Variants in HIBADH observed in about 807,000 individuals in gnomAD.
HIBADH encodes the protein 3-hydroxyisobutyrate dehydrogenase.
In HIBADH, 25 loss-of-function variants were observed where a neutral mutation model predicts 36.1. The observed-to-expected ratio is 0.69, with a 90% CI of 0.50 to 0.97. HIBADH has a LOEUF of 0.97. HIBADH is among the 50% of genes least tolerant of loss of function. The probability of loss-of-function intolerance (pLI) is 0.00; values close to 1 mark genes in which losing one functional copy is unlikely to be tolerated. For missense variants in HIBADH, 421 were observed against 418.0 expected (o/e 1.01, Z -0.06); for synonymous variants, 160 against 149.5 (o/e 1.07, Z -0.51).
In HIBADH at chr7:27,597,526, G is replaced by C. The variant is rs374917974; in HGVS notation, c.484+31845C>G. 2.4e-4 allele frequency among the ~76,000 whole-genome samples: 36 copies of C among 151,838 alleles called. No homozygotes were observed. The East Asian group carries it at 4.6e-3, about 20-fold the overall frequency. Reference sequence around the variant, plus strand: ...TTAGAATAATGTGCTGGGTACAGAGGCTACACCACTATAAGAGGCACTACC... The same window carrying C: ...TTAGAATAATGTGCTGGGTACAGAGCCTACACCACTATAAGAGGCACTACC... On this transcript the variant is annotated intron_variant, in intron 4 of 7. Transcript: ENST00000265395.
At chr7:27,603,800 TC>T (rs1374788259) in intron 4 of HIBADH, among the ~76,000 whole-genome samples, 5 of 152,114 alleles carry the variant, frequency 3.3e-5, no homozygotes, top group Non-Finnish European at 7.4e-5. Context: ...ATGCAAAGAC[TC>T]CCCAGTGTGT....
At chr7:27,606,459 G>A (rs997573313) in intron 4 of HIBADH, among the ~76,000 whole-genome samples, 1 of 152,214 alleles carries the variant, frequency 6.6e-6, no homozygotes, top group Non-Finnish European at 1.5e-5. Context: ...TGAAATGAAA[G>A]TGTCCTGCAA....
At chr7:27,657,335 T>C (rs1016267120) in intron 1 of HIBADH, among the ~76,000 whole-genome samples, 1 of 151,862 alleles carries the variant, frequency 6.6e-6, no homozygotes, top group East Asian at 1.9e-4. Context: ...CCTTATGAAA[T>C]GAGGAAACAA....
chr7:27,615,192 C>A (rs1785405062), intron 4 of HIBADH, among the ~76,000 whole-genome samples: 1 of 152,070 alleles, frequency 6.6e-6, no homozygotes, highest in African/African-American at 2.4e-5. Context: ...ATGAGAATCC[C>A]TTCTGATAAC....
chr7:27,592,072 C>T (rs1256998904), intron 4 of HIBADH, among the ~76,000 whole-genome samples: 1 of 152,156 alleles, frequency 6.6e-6, no homozygotes, highest in South Asian at 2.1e-4. Context: ...ATTCCCTTTG[C>T]CTGAAAACAG....
In HIBADH at chr7:27,535,226, A is replaced by C. The variant is rs909313211; in HGVS notation, c.695+3115T>G. 2.0e-5 allele frequency among the ~76,000 whole-genome samples: 3 copies of C among 151,912 alleles called. No homozygotes were observed. The East Asian group carries it at 5.8e-4, about 30-fold the overall frequency. On this transcript the variant is annotated intron_variant, in intron 6 of 7. Coordinates refer to ENST00000265395, the MANE Select transcript of HIBADH (RefSeq NM_152740.4). ...TCTTATGTAAAACCAGACAGTATAG[A>C]TACATACAAAGAACAAGCTTTTTGG...
chr7:27,571,269 C>A (rs1390593076), intron 4 of HIBADH, among the ~76,000 whole-genome samples: 2 of 151,868 alleles, frequency 1.3e-5, no homozygotes, highest in African/African-American at 4.8e-5. Flanking sequence ...GTTGCCCAAG[C>A]TGGAGTGCAA....
At chr7:27,527,474 TGAACAAACGTCATGGG>T (rs1347148786) in intron 7 of HIBADH, among the ~76,000 whole-genome samples, 4 of 152,168 alleles carry the variant, frequency 2.6e-5, no homozygotes, top group Admixed American at 2.6e-4. Flanking sequence ...AGAAGCAGAA[TGAACAAACGTCATGGG>T]GAATGAGGGA....
At chr7:27,544,990 C>T (rs1324967561) in intron 4 of HIBADH, among the ~76,000 whole-genome samples, 1 of 152,226 alleles carries the variant, frequency 6.6e-6, no homozygotes, top group Non-Finnish European at 1.5e-5. Context: ...GATGTGGTAT[C>T]ATAATTATTT....
chr7:27,558,320 G>A (rs1437813298), intron 4 of HIBADH, among the ~76,000 whole-genome samples: 3 of 151,742 alleles, frequency 2.0e-5, no homozygotes, highest in Non-Finnish European at 4.4e-5. Flanking sequence ...AGTTTTAGAG[G>A]ATCTGCTTAT....
At chr7:27,583,015 G>C in intron 4 of HIBADH, among the ~76,000 whole-genome samples, 1 of 152,096 alleles carries the variant, frequency 6.6e-6, no homozygotes, top group South Asian at 2.1e-4. Flanking sequence ...CTAGTACTTA[G>C]TGTATAATCA....
At chr7:27,594,615 T>G (rs1562635585) in intron 4 of HIBADH, among the ~76,000 whole-genome samples, 1 of 152,316 alleles carries the variant, frequency 6.6e-6, no homozygotes, top group South Asian at 2.1e-4. Context: ...AGGAACATGA[T>G]AAAATGATTT....
chr7:27,656,600 T>C (rs1305103341), intron 1 of HIBADH, among the ~76,000 whole-genome samples: 1 of 152,198 alleles, frequency 6.6e-6, no homozygotes, highest in Non-Finnish European at 1.5e-5. Flanking sequence ...CATTAATTTT[T>C]CTGATTTTCT....
At chr7:27,619,220 C>T (rs570978469) in intron 4 of HIBADH, among the ~76,000 whole-genome samples, 1 of 152,302 alleles carries the variant, frequency 6.6e-6, no homozygotes, top group African/African-American at 2.4e-5. Context: ...GCCAAGGAAA[C>T]CATGCAGTGA....
At chr7:27,566,431 T>C (rs1784549719) in intron 4 of HIBADH, among the ~76,000 whole-genome samples, 1 of 152,094 alleles carries the variant, frequency 6.6e-6, no homozygotes, top group Non-Finnish European at 1.5e-5. Flanking sequence ...TTGAGTTCCT[T>C]ACAGTGCTCC....
rs758193644 is a variant in HIBADH, at chr7:27,649,553, G to C, written c.172C>G (p.Leu58Val). 1.9e-6 allele frequency: 3 copies of C among 1,613,890 alleles called. No individual in the cohort carries two copies. Among genetic ancestry groups the C allele is most frequent in the East Asian group, 2.2e-5 (1 of 44,852 alleles). Residue 58 changes from leucine to valine, a missense_variant, in exon 2 of 8, where the codon CTC becomes GTC. Physicochemically the swap from Leu to Val is conservative, Grantham distance 32. Coordinates refer to ENST00000265395, the MANE Select transcript of HIBADH (RefSeq NM_152740.4). ...GNMGNPMAKN[L>V]MKHGYPLIIY... ...ATAAGTGGATAGCCATGTTTCATGAGATTTTTTGCCATTGGATTCCCCATG... is the reference window on the plus strand; with the variant it reads ...ATAAGTGGATAGCCATGTTTCATGACATTTTTTGCCATTGGATTCCCCATG...
chr7:27,538,845 C>G (rs1358398043), intron 5 of HIBADH, among the ~76,000 whole-genome samples: 1 of 151,992 alleles, frequency 6.6e-6, no homozygotes, highest in African/African-American at 2.4e-5. Context: ...AAGGCAGGAA[C>G]AGAGAGGAAG....
chr7:27,538,973 T>C (rs1367196934), intron 5 of HIBADH, among the ~76,000 whole-genome samples: 1 of 152,048 alleles, frequency 6.6e-6, no homozygotes, highest in Non-Finnish European at 1.5e-5. Context: ...TTTAAGAACA[T>C]GGGATGTTGC....
At chr7:27,540,030 G>A (rs1224533832) in intron 5 of HIBADH, among the ~76,000 whole-genome samples, 3 of 152,054 alleles carry the variant, frequency 2.0e-5, no homozygotes, top group Admixed American at 6.6e-5. Flanking sequence ...CAGAAGAGGT[G>A]GAGGTGGTAG....
Sources: allele counts gnomAD v4.1 joint callset (sites outside exome capture counted in the v4.1 genomes callset), GRCh38; gene constraint gnomAD v4.1.1; transcripts MANE v1.5; gene names NCBI Gene and HGNC (gene_info 2026-07-23, HGNC 2026-07-21).